The following FMN1 variants were observed in gnomAD, a reference collection of about 807,000 sequenced individuals.
FMN1 encodes the protein formin-1.
In FMN1, 110 loss-of-function variants were observed where a neutral mutation model predicts 132.4. That is an observed-to-expected ratio of 0.83 (90% CI 0.71 to 0.97). The LOEUF is 0.97. FMN1 is among the 50% of genes least tolerant of loss of function. The probability of loss-of-function intolerance (pLI) is 0.00; values close to 1 mark genes in which losing one functional copy is unlikely to be tolerated. For missense variants in FMN1, 1,792 were observed against 1,705.3 expected (o/e 1.05, Z -0.90); for synonymous variants, 722 against 651.7 (o/e 1.11, Z -1.64).
intron 16 of FMN1, among the ~76,000 whole-genome samples, chr15:32,861,048 T>C (rs1478932499): frequency 6.6e-6 from 1 of 152,188 alleles, no homozygotes; most frequent in African/African-American, 2.4e-5. Context: ...AGAATACAGT[T>C]AAAGAAAAGC....
At position 32,899,958 on chromosome 15, in the gene FMN1, CTTA is replaced by C. The variant is rs1248473897; in HGVS notation, c.3654+18_3654+20del. ...AGAAAATAATGGCAGATCATGGGAA[CTTA>C]TTATGAAAAATAAATACCCGACTTT... On this transcript the variant is annotated intron_variant, in intron 14 of 20. Coordinates refer to ENST00000616417, the MANE Select transcript of FMN1 (RefSeq NM_001277313.2). 1.9e-5 allele frequency: 30 copies of C among 1,609,020 alleles called. No individual in the cohort carries two copies. Among genetic ancestry groups the C allele is most frequent in the Non-Finnish European group, 2.4e-5 (28 of 1,178,068 alleles).
chr15:32,949,528 T>C (rs930914634), intron 9 of FMN1, among the ~76,000 whole-genome samples: 15 of 152,046 alleles, frequency 9.9e-5, no homozygotes, highest in African/African-American at 3.6e-4. Flanking sequence ...GACCCCTTTT[T>C]CCTTACACCA....
intron 4 of FMN1, among the ~76,000 whole-genome samples, chr15:33,139,096 T>G (rs997945206): frequency 6.6e-6 from 1 of 152,194 alleles, no homozygotes; most frequent in African/African-American, 2.4e-5. Context: ...CATAACTTAA[T>G]TAATGAAAAA....
chr15:32,811,043 C>A (rs1232661854), intron 17 of FMN1: 2 of 456,640 alleles, frequency 4.4e-6, no homozygotes, highest in East Asian at 6.9e-5. Context: ...CCCCGTTGTG[C>A]ACTTTCCAGG....
At chr15:33,040,689 T>C (rs2036393278) in intron 6 of FMN1, among the ~76,000 whole-genome samples, 1 of 152,234 alleles carries the variant, frequency 6.6e-6, no homozygotes, top group African/African-American at 2.4e-5. Context: ...ATATGTGCTC[T>C]AACAAAATCA....
Position 32,765,766 on chromosome 15 carries a change from A to C in FMN1, c.*8544T>G, listed in dbSNP as rs2056025575. The C allele has an allele frequency of 1.3e-5, 2 of 152,144 alleles. No homozygotes were observed. Among genetic ancestry groups the C allele is most frequent in the African/African-American group, 4.8e-5 (2 of 41,420 alleles). The allele number at this position is 152,144 out of a possible 1,614,324, so 9.4% of individuals were successfully genotyped here. On this transcript the variant is annotated 3_prime_UTR_variant, in exon 21 of 21. Transcript: ENST00000616417. ...TATATTATGTACAAAAATACACTTG[A>C]TATTGTGACCAAGTACTGTCAAGGA...
intron 5 of FMN1, among the ~76,000 whole-genome samples, chr15:33,078,140 T>C (rs999688411): frequency 6.6e-5 from 10 of 152,232 alleles, no homozygotes; most frequent in African/African-American, 2.2e-4. Flanking sequence ...TTTTGTCACT[T>C]GAGGCAGGTT....
At chr15:32,823,021 C>G (rs1490988696) in intron 17 of FMN1, among the ~76,000 whole-genome samples, 1 of 152,030 alleles carries the variant, frequency 6.6e-6, no homozygotes, top group East Asian at 1.9e-4. Flanking sequence ...TTGGGGAGAA[C>G]AGAGGAGGGC....
At chr15:32,926,373 T>G (rs931959009) in intron 9 of FMN1, 112 bp from the exon 10 acceptor site, 2 of 596,396 alleles carry the variant, frequency 3.4e-6, no homozygotes, top group South Asian at 2.2e-5. Context: ...ATGAACTAAA[T>G]TGATGCTGCA....
At chr15:33,000,617 CA>C (rs2034046589) in intron 7 of FMN1, among the ~76,000 whole-genome samples, 2 of 151,902 alleles carry the variant, frequency 1.3e-5, no homozygotes, top group Non-Finnish European at 2.9e-5. Flanking sequence ...TCCATCTTTA[CA>C]AAAACAAGAT....
Position 32,805,137 on chromosome 15 carries a change from G to A in FMN1, c.3929-805C>T, listed in dbSNP as rs188178820. Among the ~76,000 whole-genome samples, 11 of 152,238 alleles carry A rather than the reference G, an allele frequency of 7.2e-5. No homozygotes were observed. In the East Asian group the frequency reaches 9.7e-4, roughly 13 times the overall value. On this transcript the variant is annotated intron_variant, in intron 17 of 20. Transcript: ENST00000616417. ...TTTACACTCCCAACAGTGTAAAAGC[G>A]TTCCTATTTCTCCACACCTTCTCCA...
In FMN1 at chr15:32,778,276, T is replaced by A. The variant is rs947041104; in HGVS notation, c.4131-1357A>T. 7.9e-4 allele frequency among the ~76,000 whole-genome samples: 114 copies of A among 143,662 alleles called. 1 individual carries two copies. The highest frequency in any genetic ancestry group is 2.6e-3 in the African/African-American group (101 of 39,452). 94.2% of individuals were successfully genotyped at this position (143,662 alleles called of 152,430 possible). A position where few individuals can be genotyped will look rare whatever the true frequency, so the allele number is the denominator to read the frequency against. The stretch of plus-strand genomic sequence containing the variant: ...TATGTATAATATAGAAATATATATT[T>A]TATATATATATATATTTTTTTGAGA... On this transcript the variant is annotated intron_variant, in intron 19 of 20. Transcript: ENST00000616417.
At chr15:32,925,913 A>G (rs59058222) in intron 10 of FMN1, among the ~76,000 whole-genome samples, 1,674 of 152,300 alleles carry the variant, frequency 0.011, 29 homozygotes, top group African/African-American at 0.039. Flanking sequence ...ATAAATAAAT[A>G]AAGTATCCTT....
intron 7 of FMN1, among the ~76,000 whole-genome samples, chr15:32,986,207 A>T (rs578186265): frequency 1.4e-4 from 22 of 152,162 alleles, no homozygotes; most frequent in African/African-American, 5.3e-4. Context: ...CTGGAGCTGC[A>T]CTTGTTTCAT....
intron 15 of FMN1, among the ~76,000 whole-genome samples, chr15:32,895,268 C>A (rs544816134): frequency 6.6e-6 from 1 of 150,700 alleles, no homozygotes; most frequent in East Asian, 1.9e-4. Context: ...ACCATTGAAC[C>A]TTGTTAAGAT....
intron 5 of FMN1, among the ~76,000 whole-genome samples, chr15:33,080,646 G>A (rs937419091): frequency 9.2e-5 from 14 of 152,070 alleles, no homozygotes; most frequent in African/African-American, 2.9e-4. Flanking sequence ...CAGCACTTTG[G>A]GAGGCTGAGG....
At chr15:32,829,955 T>C (rs372007236) in intron 17 of FMN1, among the ~76,000 whole-genome samples, 1 of 152,152 alleles carries the variant, frequency 6.6e-6, no homozygotes, top group Non-Finnish European at 1.5e-5. Flanking sequence ...CCAAATTTTG[T>C]CCTTATGTAG....
At position 33,115,231 on chromosome 15, in the gene FMN1, T is replaced by C. The variant is rs577802272; in HGVS notation, c.1868-26257A>G. Among the ~76,000 whole-genome samples, 3 of 152,236 alleles carry C rather than the reference T, an allele frequency of 2.0e-5. No homozygotes were observed. The South Asian group carries it at 6.2e-4, about 32-fold the overall frequency. On this transcript the variant is annotated intron_variant, in intron 4 of 20. Coordinates refer to ENST00000616417, the MANE Select transcript of FMN1 (RefSeq NM_001277313.2). ...AGTACTTAAGAAATAAAGAGCAGAG[T>C]TGCCTAAGGCTGTCCTATAAGGAGG...
At chr15:33,109,722 CAA>C (rs2039624074) in intron 4 of FMN1, among the ~76,000 whole-genome samples, 1 of 151,708 alleles carries the variant, frequency 6.6e-6, no homozygotes, top group Non-Finnish European at 1.5e-5. Flanking sequence ...GAAACAGAAA[CAA>C]TATTCGATAC....
Sources: gnomAD v4.1 joint callset for allele counts (sites outside exome capture counted in the v4.1 genomes callset) on GRCh38, gnomAD v4.1.1 for gene constraint, MANE v1.5 for transcripts, NCBI Gene and HGNC (gene_info 2026-07-23, HGNC 2026-07-21) for gene names.